Variants in LGI2 observed in about 807,000 individuals in gnomAD.
The protein encoded by LGI2 is leucine rich repeat LGI family member 2, also known as leucine-rich repeat LGI family member 2.
In LGI2, 30 loss-of-function variants were observed where a neutral mutation model predicts 52.0. The observed-to-expected ratio is 0.58, with a 90% CI of 0.43 to 0.78. The LOEUF is 0.78. Ranked by LOEUF, LGI2 falls within the 30% of genes least tolerant of loss-of-function variation. The probability of loss-of-function intolerance (pLI) is 0.00; values close to 1 mark genes in which losing one functional copy is unlikely to be tolerated. For synonymous variants in LGI2, 270 were observed against 271.8 expected (o/e 0.99, Z 0.06); for missense variants, 573 against 692.5 (o/e 0.83, Z 1.94).
rs575981869 is a variant in LGI2 at position 25,000,689 on chromosome 4, C to T, written c.*2762G>A. 19 of 152,380 alleles carry T rather than the reference C, an allele frequency of 1.2e-4. No individual in the cohort carries two copies. Among genetic ancestry groups the T allele is most frequent in the African/African-American group, 4.3e-4 (18 of 41,578 alleles). The allele number at this position is 152,380 out of a possible 1,614,324, so 9.4% of individuals were successfully genotyped here. ...GTTCATAAAGAAGAAATAAGCTGAG[C>T]AGACGACCACCCAGTGGGTGATGGG... On this transcript the variant is annotated 3_prime_UTR_variant, in exon 8 of 8. Transcript: ENST00000382114.
At chr4:24,994,902 G>A (rs994319341), downstream of LGI2, among the ~76,000 whole-genome samples, 4 of 152,098 alleles carry the variant, frequency 2.6e-5, no homozygotes, top group Admixed American at 6.5e-5. Flanking sequence ...CCCACCAAAC[G>A]CAGCTTAGGA....
chr4:25,018,559 T>C (rs1725847336), intron 5 of LGI2, among the ~76,000 whole-genome samples: 1 of 152,146 alleles, frequency 6.6e-6, no homozygotes, highest in Admixed American at 6.5e-5. Flanking sequence ...CTTCAAGCTC[T>C]TGTTAAAACT....
At chr4:25,027,047 CTTCT>C in intron 2 of LGI2, 108 bp from the exon 3 acceptor site, 1 of 854,124 alleles carries the variant, frequency 1.2e-6, no homozygotes, top group Non-Finnish European at 2.0e-6. Flanking sequence ...AACATGAGCT[CTTCT>C]TAGCCTAAGG....
At chr4:25,022,731 T>C (rs1726012738) in intron 4 of LGI2, among the ~76,000 whole-genome samples, 1 of 152,174 alleles carries the variant, frequency 6.6e-6, no homozygotes, top group Non-Finnish European at 1.5e-5. Context: ...CACAAAGATA[T>C]GCAAATACCC....
chr4:25,028,596 A>T lies in LGI2; in HGVS notation c.198-18T>A. 1.2e-6 allele frequency: 2 copies of T among 1,606,980 alleles called. No homozygotes were observed. Among genetic ancestry groups the T allele is most frequent in the South Asian group, 2.2e-5 (2 of 89,326 alleles). On this transcript the variant is annotated intron_variant, in intron 1 of 7. Coordinates refer to ENST00000382114, the MANE Select transcript of LGI2 (RefSeq NM_018176.4). ...CCAGGCTCCTACGGGCAAAAGATGA[A>T]CAAAAGTAGGCCTAGGTTTCTTTTA...
rs1384017766 is a variant in LGI2 at position 25,001,306 on chromosome 4, T to C, written c.*2145A>G. 2 of 152,268 alleles carry C rather than the reference T, an allele frequency of 1.3e-5. No homozygotes were observed. The highest frequency in any genetic ancestry group is 3.8e-4 in the East Asian group (2 of 5,196). 9.4% of individuals were successfully genotyped at this position (152,268 alleles called of 1,614,324 possible). ...CTGCAGTAGCAACACTGTGAAAAGA[T>C]GCCACCTTGCCATCTCTACAGGTGG... On this transcript the variant is annotated 3_prime_UTR_variant, in exon 8 of 8. Transcript: ENST00000382114.
At chr4:25,009,233 C>T (rs1384348257) in intron 7 of LGI2, among the ~76,000 whole-genome samples, 3 of 152,214 alleles carry the variant, frequency 2.0e-5, no homozygotes, top group African/African-American at 4.8e-5. Context: ...ACTGCAACTC[C>T]CCGCTGGCTC....
chr4:25,015,029 T>A (rs1231362003), intron 6 of LGI2, among the ~76,000 whole-genome samples: 2 of 152,210 alleles, frequency 1.3e-5, no homozygotes, highest in African/African-American at 4.8e-5. Context: ...TGATGTGACA[T>A]CAATTTACTA....
intron 1 of LGI2, among the ~76,000 whole-genome samples, chr4:25,030,008 C>T (rs1427121556): frequency 6.6e-6 from 1 of 152,172 alleles, no homozygotes; most frequent in Non-Finnish European, 1.5e-5. Flanking sequence ...GGCAGTGAGG[C>T]CTCACCCTGC....
chr4:25,014,291 A>G (rs965909729), intron 6 of LGI2, among the ~76,000 whole-genome samples: 1 of 152,242 alleles, frequency 6.6e-6, no homozygotes, highest in Admixed American at 6.5e-5. Context: ...GAAGAATCCC[A>G]GGATGAAAAG....
intron 7 of LGI2, among the ~76,000 whole-genome samples, chr4:25,008,319 G>A (rs954704969): frequency 6.6e-5 from 10 of 152,132 alleles, no homozygotes; most frequent in South Asian, 2.1e-4. Context: ...TTGGGAGGCC[G>A]AGGTGGGTGA....
downstream of LGI2, among the ~76,000 whole-genome samples, chr4:24,995,152 T>C (rs140251252): frequency 2.4e-4 from 36 of 152,296 alleles, no homozygotes; most frequent in East Asian, 6.8e-3. Context: ...ATGTGTGTTG[T>C]GGAAATGACG....
intron 7 of LGI2, among the ~76,000 whole-genome samples, chr4:25,007,067 T>C (rs1217493279): frequency 1.3e-5 from 2 of 152,228 alleles, no homozygotes; most frequent in African/African-American, 4.8e-5. Flanking sequence ...TTTTTTCACT[T>C]GGCGCCCATG....
At chr4:24,997,617 C>A (rs538512692), downstream of LGI2, among the ~76,000 whole-genome samples, 22 of 152,246 alleles carry the variant, frequency 1.4e-4, no homozygotes, top group African/African-American at 5.1e-4. Flanking sequence ...TGCCTTGGGT[C>A]CAGGTGGATG....
the LGI2 span, among the ~76,000 whole-genome samples, chr4:24,993,113 T>G: frequency 6.6e-6 from 1 of 152,116 alleles, no homozygotes; most frequent in African/African-American, 2.4e-5. Context: ...CTCACAGAAT[T>G]TGTGAGGACC....
At chr4:25,015,539 GA>G (rs1725730666) in intron 6 of LGI2, among the ~76,000 whole-genome samples, 1 of 152,164 alleles carries the variant, frequency 6.6e-6, no homozygotes, top group Non-Finnish European at 1.5e-5. Context: ...AAAAAACAGT[GA>G]AACAGGAGAA....
chr4:25,017,847 C>A (rs2036945941), intron 6 of LGI2, 142 bp downstream of exon 6: 1 of 757,172 alleles, frequency 1.3e-6, no homozygotes, highest in African/African-American at 1.8e-5. Context: ...CGATTCATTT[C>A]TTTAGAATGT....
chr4:25,005,034 T>C (rs1467155046), intron 7 of LGI2, among the ~76,000 whole-genome samples: 1 of 152,152 alleles, frequency 6.6e-6, no homozygotes, highest in Non-Finnish European at 1.5e-5. Flanking sequence ...AAATAGCCAG[T>C]CACAAAAAGA....
At chr4:25,012,646 C>T (rs1043256071) in intron 6 of LGI2, 147 bp from the exon 7 acceptor site, 22 of 777,848 alleles carry the variant, frequency 2.8e-5, no homozygotes, top group South Asian at 1.1e-4. Flanking sequence ...AACATCACAG[C>T]GTATTTTACT....
Sources: allele counts gnomAD v4.1 joint callset (sites outside exome capture counted in the v4.1 genomes callset), GRCh38; gene constraint gnomAD v4.1.1; transcripts MANE v1.5; gene names NCBI Gene and HGNC (gene_info 2026-07-23, HGNC 2026-07-21).